TXNDC16: variants seen among roughly 807,000 people sequenced by gnomAD.
TXNDC16 encodes thioredoxin domain containing 16.
TXNDC16 carries 74 observed loss-of-function variants against 85.6 expected under a neutral mutation model. That is an observed-to-expected ratio of 0.86 (90% CI 0.72 to 1.05). TXNDC16 has a LOEUF of 1.05. Ranked by LOEUF, TXNDC16 falls within the 50% of genes least tolerant of loss-of-function variation. The pLI, the probability that TXNDC16 is intolerant of heterozygous loss-of-function variation, is 0.00. For missense variants in TXNDC16, 959 were observed against 947.0 expected, an observed-to-expected ratio of 1.01 and a Z score of -0.17; for synonymous variants, 335 against 326.5, an observed-to-expected ratio of 1.03 and a Z score of -0.28.
intron 3 of TXNDC16, 92 bp downstream of exon 3, chr14:52,543,306 A>AT: frequency 7.3e-7 from 1 of 1,364,864 alleles, no homozygotes; most frequent in Non-Finnish European, 1.0e-6. Flanking sequence ...AGCACATATT[A>AT]TTAATCTTAA....
At chr14:52,462,603 G>A (rs2035678769) in intron 16 of TXNDC16, among the ~76,000 whole-genome samples, 1 of 152,202 alleles carries the variant, frequency 6.6e-6, no homozygotes, top group Non-Finnish European at 1.5e-5. Flanking sequence ...TTATAGGCAT[G>A]TGGAAATATA....
intron 16 of TXNDC16, among the ~76,000 whole-genome samples, chr14:52,468,245 G>A (rs898083921): frequency 1.3e-5 from 2 of 152,002 alleles, no homozygotes; most frequent in Non-Finnish European, 1.5e-5. Context: ...TAAATTTTAC[G>A]TTATGTGTAT....
At chr14:52,472,045 T>G (rs1017757576) in intron 14 of TXNDC16, among the ~76,000 whole-genome samples, 2 of 151,604 alleles carry the variant, frequency 1.3e-5, no homozygotes, top group Non-Finnish European at 2.9e-5. Context: ...TGTGGTATTT[T>G]AATATTTTAT....
intron 9 of TXNDC16, among the ~76,000 whole-genome samples, chr14:52,502,836 G>A (rs962307738): frequency 7.2e-5 from 11 of 152,198 alleles, no homozygotes; most frequent in African/African-American, 1.2e-4. Flanking sequence ...CAAGAAAAGG[G>A]GTGACAGACG....
chr14:52,454,425 T>TA (rs535276734), intron 18 of TXNDC16, among the ~76,000 whole-genome samples: 17,279 of 119,978 alleles, frequency 0.14, 1,126 homozygotes, highest in African/African-American at 0.21. Context: ...AAACTCTGTC[T>TA]AAAAAAAAAA....
intron 14 of TXNDC16, among the ~76,000 whole-genome samples, chr14:52,478,012 C>G (rs1382894989): frequency 6.6e-6 from 1 of 152,030 alleles, no homozygotes; most frequent in African/African-American, 2.4e-5. Flanking sequence ...AACTGGAAAT[C>G]AACTTCAAAA....
At chr14:52,434,438 T>A (rs553792061) in intron 20 of TXNDC16, among the ~76,000 whole-genome samples, 72 of 152,304 alleles carry the variant, frequency 4.7e-4, no homozygotes, top group African/African-American at 1.6e-3. Context: ...TGATAATAAA[T>A]AATACTAATT....
chr14:52,471,489 C>T (rs2035906330), intron 14 of TXNDC16, among the ~76,000 whole-genome samples: 1 of 152,172 alleles, frequency 6.6e-6, no homozygotes, highest in Non-Finnish European at 1.5e-5. Flanking sequence ...ACTTCAAGGA[C>T]TAGCCTTCTC....
chr14:52,506,527 C>CTTTTTTTTTTTTTTTTTTT (rs765293725), intron 9 of TXNDC16, among the ~76,000 whole-genome samples: 73 of 97,550 alleles, frequency 7.5e-4, no homozygotes, highest in East Asian at 1.7e-3. Flanking sequence ...TTCAACAACC[C>CTTTTTTTTTTTTTTTTTTT]TTTTTTTTTT....
At chr14:52,473,765 G>A (rs2035958947) in intron 14 of TXNDC16, among the ~76,000 whole-genome samples, 1 of 152,132 alleles carries the variant, frequency 6.6e-6, no homozygotes, top group South Asian at 2.1e-4. Flanking sequence ...ATAAAATTTT[G>A]ACATTTGCTG....
In TXNDC16 at chr14:52,446,110, G is replaced by A. The variant is rs375153612; in HGVS notation, c.1843-5386C>T. 1.1e-3 allele frequency among the ~76,000 whole-genome samples: 171 copies of A among 152,210 alleles called. 1 individual carries two copies. The highest frequency in any genetic ancestry group is 4.0e-3 in the African/African-American group (166 of 41,540). ...GCACCTTCATAAGAACCAAAAATCA[G>A]GTGAGTACTCACAGTACCTGGTTTT... On this transcript the variant is annotated intron_variant, in intron 18 of 20. Coordinates refer to ENST00000281741, the MANE Select transcript of TXNDC16 (RefSeq NM_020784.3).
chr14:52,490,783 A>T, intron 10 of TXNDC16, 56 bp downstream of exon 10: 1 of 1,546,768 alleles, frequency 6.5e-7, no homozygotes, highest in East Asian at 2.3e-5. Context: ...ATATTTTAAA[A>T]CGTGGAAACT....
At chr14:52,529,871 C>A (rs1322459411) in intron 6 of TXNDC16, among the ~76,000 whole-genome samples, 3 of 96,492 alleles carry the variant, frequency 3.1e-5, no homozygotes, top group Non-Finnish European at 5.6e-5. Flanking sequence ...TAATATGATA[C>A]CTATTATATA....
intron 12 of TXNDC16, among the ~76,000 whole-genome samples, chr14:52,485,592 A>C (rs1431672687): frequency 1.3e-5 from 2 of 152,216 alleles, no homozygotes; most frequent in Admixed American, 1.3e-4. Context: ...CAAGTGTACC[A>C]TTTTTTATCT....
intron 14 of TXNDC16, among the ~76,000 whole-genome samples, chr14:52,476,799 G>A (rs2036030291): frequency 6.6e-6 from 1 of 152,128 alleles, no homozygotes; most frequent in South Asian, 2.1e-4. Context: ...AGAGAACTAG[G>A]CATCCAAGTA....
chr14:52,525,039 GT>G (rs1399737485), intron 6 of TXNDC16, among the ~76,000 whole-genome samples: 4 of 151,678 alleles, frequency 2.6e-5, no homozygotes, highest in Non-Finnish European at 5.9e-5. Flanking sequence ...GGAGAATCGT[GT>G]GAACCCAGGA....
In TXNDC16 at chr14:52,439,249, C is replaced by G; in HGVS notation, c.2149G>C (p.Val717Leu). Reference sequence around the variant, plus strand: ...GCTTCTAATTTCTTCAGCCACAATACAAGGTTTTCTTCAATTATAGCCTGG... The same window carrying G: ...GCTTCTAATTTCTTCAGCCACAATAGAAGGTTTTCTTCAATTATAGCCTGG... The part of the protein sequence containing the change: ...SDQAIIEENL[V>L]LWLKKLEAGL... The change falls in exon 20 of 21, where the codon GTA (valine) becomes CTA (leucine). Residue 717 changes from valine (V) to leucine (L), a missense_variant. Transcript: ENST00000281741. The G allele has an allele frequency of 6.2e-7, 1 of 1,614,042 alleles. No individual in the cohort carries two copies. The highest frequency in any genetic ancestry group is 8.5e-7 in the Non-Finnish European group (1 of 1,179,982).
rs953381033 is a variant in TXNDC16, at chr14:52,552,104, C to T, written c.-182+212G>A. On this transcript the variant is annotated intron_variant, in intron 1 of 20. Transcript: ENST00000281741. Reference sequence around the variant, plus strand: ...TTCCATCCCCTCGACCCACAAAGGGCTCCGGTGTTTCCCGCCGTTCATGCA... The same window carrying T: ...TTCCATCCCCTCGACCCACAAAGGGTTCCGGTGTTTCCCGCCGTTCATGCA... 3.3e-5 allele frequency among the ~76,000 whole-genome samples: 5 copies of T among 152,320 alleles called. No homozygotes were observed. In the East Asian group the frequency reaches 9.6e-4, roughly 29 times the overall value.
At position 52,522,485 on chromosome 14, in the gene TXNDC16, C is replaced by T. The variant is rs1215384893; in HGVS notation, c.393-3192G>A. Among the ~76,000 whole-genome samples, 3 of 152,178 alleles carry T rather than the reference C, an allele frequency of 2.0e-5. No individual in the cohort carries two copies. The South Asian group carries it at 6.2e-4, about 31-fold the overall frequency. On this transcript the variant is annotated intron_variant, in intron 6 of 20. Coordinates refer to ENST00000281741, the MANE Select transcript of TXNDC16 (RefSeq NM_020784.3). ...GACTATCTGACAAAGAATCACTTGCCTGAGATTCTGAAGCAGGGGCAGGCG... is the reference window on the plus strand; with the variant it reads ...GACTATCTGACAAAGAATCACTTGCTTGAGATTCTGAAGCAGGGGCAGGCG...
Sources: allele counts gnomAD v4.1 joint callset (sites outside exome capture counted in the v4.1 genomes callset), GRCh38; gene constraint gnomAD v4.1.1; transcripts MANE v1.5; gene names NCBI Gene and HGNC (gene_info 2026-07-23, HGNC 2026-07-21).